The following CNTNAP2 variants were observed in gnomAD, a reference collection of about 807,000 sequenced individuals.
The protein encoded by CNTNAP2 is contactin associated protein 2.
In CNTNAP2, 98 loss-of-function variants were observed where a neutral mutation model predicts 155.2. The observed-to-expected ratio is 0.63, with a 90% CI of 0.54 to 0.75. The LOEUF is 0.75. CNTNAP2 is among the 30% of genes least tolerant of loss of function. CNTNAP2 has a pLI of 0.00. For missense variants in CNTNAP2, 1,727 were observed against 1,688.1 expected, an observed-to-expected ratio of 1.02 and a Z score of -0.40; for synonymous variants, 651 against 631.2, an observed-to-expected ratio of 1.03 and a Z score of -0.47.
intron 4 of CNTNAP2, among the ~76,000 whole-genome samples, chr7:147,080,036 T>G (rs1800089995): frequency 6.6e-6 from 1 of 150,988 alleles, no homozygotes; most frequent in Non-Finnish European, 1.5e-5. Context: ...ATATGCTCTC[T>G]TATATACTAA....
intron 1 of CNTNAP2, among the ~76,000 whole-genome samples, chr7:146,152,931 A>G (rs1168726676): frequency 6.6e-6 from 1 of 152,156 alleles, no homozygotes; most frequent in Non-Finnish European, 1.5e-5. Context: ...ATTTACTCCC[A>G]GAGTTTTGCA....
intron 21 of CNTNAP2, among the ~76,000 whole-genome samples, chr7:148,287,763 G>A (rs919309275): frequency 2.0e-5 from 3 of 151,234 alleles, no homozygotes; most frequent in Non-Finnish European, 4.4e-5. Context: ...GTCAACTCAG[G>A]TCTCTCTTCC....
At chr7:146,844,211 G>T (rs1437631020) in intron 3 of CNTNAP2, among the ~76,000 whole-genome samples, 1 of 151,964 alleles carries the variant, frequency 6.6e-6, no homozygotes, top group African/African-American at 2.4e-5. Flanking sequence ...CTTGCATTAG[G>T]GAGTGAGAAT....
intron 11 of CNTNAP2, among the ~76,000 whole-genome samples, chr7:147,557,643 G>T (rs1387464441): frequency 6.6e-6 from 1 of 152,016 alleles, no homozygotes; most frequent in Non-Finnish European, 1.5e-5. Flanking sequence ...GACTCCACTG[G>T]GTGCAGAGCT....
intron 20 of CNTNAP2, among the ~76,000 whole-genome samples, chr7:148,242,517 C>G (rs1399066258): frequency 1.3e-5 from 2 of 152,192 alleles, no homozygotes; most frequent in African/African-American, 4.8e-5. Context: ...GTGAAACTGG[C>G]TTGGGTGTGG....
chr7:146,783,735 G>A (rs891149636), intron 2 of CNTNAP2, among the ~76,000 whole-genome samples: 12 of 152,216 alleles, frequency 7.9e-5, no homozygotes, highest in African/African-American at 2.7e-4. Flanking sequence ...GCGTCCCAAA[G>A]TGCATGATGT....
At chr7:147,340,555 C>T (rs1795743104) in intron 9 of CNTNAP2, among the ~76,000 whole-genome samples, 1 of 152,070 alleles carries the variant, frequency 6.6e-6, no homozygotes, top group Non-Finnish European at 1.5e-5. Flanking sequence ...AACTCATCTC[C>T]TCATAGTATC....
intron 21 of CNTNAP2, among the ~76,000 whole-genome samples, chr7:148,378,591 A>C (rs1798993056): frequency 1.5e-5 from 1 of 67,410 alleles, no homozygotes; most frequent in Non-Finnish European, 4.1e-5. Flanking sequence ...TACTTAAATA[A>C]ATTTATGTTA....
chr7:146,967,234 T>C (rs1404646317), intron 3 of CNTNAP2, among the ~76,000 whole-genome samples: 5 of 152,206 alleles, frequency 3.3e-5, no homozygotes, highest in African/African-American at 9.6e-5. Flanking sequence ...TTTTTATTGA[T>C]GTAGACTTTA....
intron 1 of CNTNAP2, among the ~76,000 whole-genome samples, chr7:146,465,182 G>A (rs1796700238): frequency 6.6e-6 from 1 of 151,998 alleles, no homozygotes; most frequent in Admixed American, 6.6e-5. Flanking sequence ...GTTTTCTAGT[G>A]CAAGATGTTG....
At chr7:147,236,117 C>A (rs1399222623) in intron 8 of CNTNAP2, among the ~76,000 whole-genome samples, 4 of 152,338 alleles carry the variant, frequency 2.6e-5, no homozygotes, top group African/African-American at 9.6e-5. Context: ...GCTGCCATCT[C>A]TCCATGTCTG....
chr7:146,729,373 AGT>A (rs200197345), intron 1 of CNTNAP2, among the ~76,000 whole-genome samples: 2 of 152,196 alleles, frequency 1.3e-5, no homozygotes, highest in East Asian at 3.9e-4. Flanking sequence ...GCAGAATGGA[AGT>A]GTCAATTTCA....
At position 146,927,148 on chromosome 7, in the gene CNTNAP2, C is replaced by A. The variant is rs541299066; in HGVS notation, c.402+87244C>A. ...TCATCAAAACTTTAATTTTCTAAAT[C>A]TGTTTACTGGGAAGGGCAAAGAGTT... On this transcript the variant is annotated intron_variant, in intron 3 of 23. Coordinates refer to ENST00000361727, the MANE Select transcript of CNTNAP2 (RefSeq NM_014141.6). 3.3e-5 allele frequency among the ~76,000 whole-genome samples: 5 copies of A among 152,238 alleles called. No individual in the cohort carries two copies. The East Asian group carries it at 5.8e-4, about 18-fold the overall frequency.
At chr7:146,252,731 TAAAAA>T (rs140007925) in intron 1 of CNTNAP2, among the ~76,000 whole-genome samples, 3,513 of 152,144 alleles carry the variant, frequency 0.023, 124 homozygotes, top group African/African-American at 0.078. Context: ...CTTATATTCT[TAAAAA>T]GAAAAGAAAA....
intron 15 of CNTNAP2, among the ~76,000 whole-genome samples, chr7:148,079,505 T>A (rs1167049756): frequency 6.6e-6 from 1 of 152,072 alleles, no homozygotes; most frequent in Non-Finnish European, 1.5e-5. Context: ...AGAGAATAGA[T>A]TGTAAATGTT....
intron 13 of CNTNAP2, among the ~76,000 whole-genome samples, chr7:147,692,513 C>T (rs573131148): frequency 6.6e-6 from 1 of 152,076 alleles, no homozygotes; most frequent in Non-Finnish European, 1.5e-5. Flanking sequence ...TTCTTGGCAG[C>T]ATTTCGTGTT....
At chr7:146,738,532 A>G (rs918038013) in intron 1 of CNTNAP2, among the ~76,000 whole-genome samples, 3 of 151,528 alleles carry the variant, frequency 2.0e-5, no homozygotes, top group African/African-American at 7.3e-5. Flanking sequence ...TCCCATTTGT[A>G]TATTTTTACT....
At chr7:148,272,683 C>A (rs1796804106) in intron 21 of CNTNAP2, among the ~76,000 whole-genome samples, 1 of 152,036 alleles carries the variant, frequency 6.6e-6, no homozygotes, top group Admixed American at 6.6e-5. Flanking sequence ...AGATGGGAGA[C>A]CCCCAGCATC....
At chr7:146,835,847 A>G (rs1803606066) in intron 2 of CNTNAP2, among the ~76,000 whole-genome samples, 1 of 152,296 alleles carries the variant, frequency 6.6e-6, no homozygotes, top group South Asian at 2.1e-4. Context: ...AGTTTCAATG[A>G]AGTCTTTGAC....
Sources: allele counts gnomAD v4.1 joint callset (sites outside exome capture counted in the v4.1 genomes callset), GRCh38; gene constraint gnomAD v4.1.1; transcripts MANE v1.5; gene names NCBI Gene and HGNC (gene_info 2026-07-23, HGNC 2026-07-21).